Variants in SYTL2 observed in about 807,000 individuals in gnomAD.
SYTL2 encodes the protein synaptotagmin like 2.
In SYTL2, 165 loss-of-function variants were observed where a neutral mutation model predicts 198.7. That is an observed-to-expected ratio of 0.83 (90% CI 0.73 to 0.94). SYTL2 has a LOEUF of 0.94. Among genes scored for constraint, SYTL2 ranks in the 40% least tolerant of loss-of-function variants. SYTL2 has a pLI of 0.00. For synonymous variants in SYTL2, 966 were observed against 917.7 expected, an observed-to-expected ratio of 1.05 and a Z score of -0.95; for missense variants, 2,835 against 2,582.8, an observed-to-expected ratio of 1.10 and a Z score of -2.12.
the SYTL2 span, among the ~76,000 whole-genome samples, chr11:85,834,988 G>A: frequency 2.6e-5 from 4 of 151,968 alleles, no homozygotes; most frequent in Non-Finnish European, 5.9e-5. Context: ...TTCAACTCCT[G>A]GCTGCAAGCA....
intron 14 of SYTL2, among the ~76,000 whole-genome samples, chr11:85,708,586 G>T (rs1191073928): frequency 1.3e-5 from 2 of 152,068 alleles, no homozygotes; most frequent in Non-Finnish European, 2.9e-5. Flanking sequence ...TCATTCTAGA[G>T]TCTTAACTAT....
chr11:85,736,406 C>T, intron 6 of SYTL2, 95 bp downstream of exon 6: 2 of 664,270 alleles, frequency 3.0e-6, no homozygotes, highest in Non-Finnish European at 2.5e-6. Flanking sequence ...TTCACTTTCT[C>T]TTGGAAGTTA....
chr11:85,715,001 G>A (rs2086928536), intron 11 of SYTL2: 1 of 152,244 alleles, frequency 6.6e-6, no homozygotes, highest in South Asian at 2.1e-4. Flanking sequence ...TGTTTAGTGA[G>A]CATGAGGATT....
At chr11:85,849,273 G>A in the SYTL2 span, among the ~76,000 whole-genome samples, 1 of 152,054 alleles carries the variant, frequency 6.6e-6, no homozygotes, top group South Asian at 2.1e-4. Context: ...TTCTTTTGCT[G>A]TGCAGAAGCT....
At chr11:85,761,500 G>GT (rs1466151953) in intron 1 of SYTL2, among the ~76,000 whole-genome samples, 1 of 152,182 alleles carries the variant, frequency 6.6e-6, no homozygotes, top group Non-Finnish European at 1.5e-5. Flanking sequence ...GGGTAAGACT[G>GT]TATTAGGCCT....
chr11:85,811,200 T>C (rs1356416796), upstream of SYTL2: 1 of 151,114 alleles, frequency 6.6e-6, no homozygotes, highest in Non-Finnish European at 1.5e-5. Context: ...CGGCGGGCGG[T>C]GCGGTGGGGC....
At chr11:85,712,162 A>G (rs1005570440) in intron 12 of SYTL2, among the ~76,000 whole-genome samples, 75 of 152,198 alleles carry the variant, frequency 4.9e-4, no homozygotes, top group African/African-American at 1.8e-3. Context: ...ATTATGCATC[A>G]ATATAATGGA....
At chr11:85,755,044 A>G (rs1342036307) in intron 2 of SYTL2, among the ~76,000 whole-genome samples, 5 of 152,334 alleles carry the variant, frequency 3.3e-5, no homozygotes, top group Admixed American at 3.3e-4. Flanking sequence ...TTTCATAGTT[A>G]TTAGGCTATA....
chr11:85,715,996 T>A (rs1365080817), intron 11 of SYTL2, among the ~76,000 whole-genome samples: 1 of 152,182 alleles, frequency 6.6e-6, no homozygotes, highest in Non-Finnish European at 1.5e-5. Flanking sequence ...AAGAATATAC[T>A]CTTTACCAGT....
At chr11:85,851,473 G>A in the SYTL2 span, among the ~76,000 whole-genome samples, 1 of 152,180 alleles carries the variant, frequency 6.6e-6, no homozygotes, top group Non-Finnish European at 1.5e-5. Flanking sequence ...CAGGTTCTTT[G>A]TGGTTTTTCC....
At chr11:85,843,882 C>T in the SYTL2 span, among the ~76,000 whole-genome samples, 2 of 152,152 alleles carry the variant, frequency 1.3e-5, no homozygotes, top group Non-Finnish European at 2.9e-5. Flanking sequence ...CAAGGTCACA[C>T]AACTAGTAAG....
chr11:85,801,368 A>G (rs1411808871), intron 1 of SYTL2, among the ~76,000 whole-genome samples: 1 of 152,200 alleles, frequency 6.6e-6, no homozygotes, highest in African/African-American at 2.4e-5. Context: ...AACATGCTTA[A>G]CTCAAGGTAA....
intron 1 of SYTL2, among the ~76,000 whole-genome samples, chr11:85,802,220 C>CTTTTTTTTTTTTTTTTT (rs5793172): frequency 2.4e-5 from 3 of 122,590 alleles, no homozygotes; most frequent in African/African-American, 6.1e-5. Flanking sequence ...TTTTTCTTTT[C>CTTTTTTTTTTTTTTTTT]TTTTTTTTTT....
chr11:85,826,237 C>G, the SYTL2 span, among the ~76,000 whole-genome samples: 2 of 152,192 alleles, frequency 1.3e-5, no homozygotes, highest in Non-Finnish European at 2.9e-5. Flanking sequence ...TGTCAGGATG[C>G]ACAGGAGGAC....
the SYTL2 span, chr11:85,854,089 G>C: frequency 6.6e-6 from 1 of 152,034 alleles, no homozygotes; most frequent in African/African-American, 2.4e-5. Flanking sequence ...TGTCCACCTC[G>C]GCCTCCCAAA....
the SYTL2 span, among the ~76,000 whole-genome samples, chr11:85,838,997 CT>C: frequency 6.6e-6 from 1 of 152,164 alleles, no homozygotes; most frequent in Admixed American, 6.6e-5. Flanking sequence ...TCCTCATCCT[CT>C]AGAATACTAA....
intron 1 of SYTL2, among the ~76,000 whole-genome samples, chr11:85,808,448 A>G (rs2092989722): frequency 6.6e-6 from 1 of 152,152 alleles, no homozygotes; most frequent in African/African-American, 2.4e-5. Context: ...AAAATAAAGG[A>G]TATTTTTATT....
the SYTL2 span, among the ~76,000 whole-genome samples, chr11:85,842,045 T>C: frequency 6.6e-6 from 1 of 152,228 alleles, no homozygotes; most frequent in Non-Finnish European, 1.5e-5. Context: ...GGCCCTGTGC[T>C]AGGCAATGGT....
chr11:85,775,339 A>G (rs575529442), intron 1 of SYTL2, among the ~76,000 whole-genome samples: 2 of 152,298 alleles, frequency 1.3e-5, no homozygotes, highest in African/African-American at 4.8e-5. Flanking sequence ...GTTGTGAAGA[A>G]CATATTGGCC....
Sources: allele counts gnomAD v4.1 joint callset (sites outside exome capture counted in the v4.1 genomes callset), GRCh38; gene constraint gnomAD v4.1.1; transcripts MANE v1.5; gene names NCBI Gene and HGNC (gene_info 2026-07-23, HGNC 2026-07-21).